Variants in SOX5 observed in about 807,000 individuals in gnomAD.
The protein encoded by SOX5 is transcription factor SOX-5.
In SOX5, 9 loss-of-function variants were observed where a neutral mutation model predicts 92.0. That is an observed-to-expected ratio of 0.10 (90% confidence interval 0.06 to 0.17). The LOEUF (loss-of-function observed/expected upper bound fraction) is 0.17. Among genes scored for constraint, SOX5 ranks in the 10% least tolerant of loss-of-function variants. The pLI is 1.00. For synonymous variants in SOX5, 344 were observed against 336.3 expected, an observed-to-expected ratio of 1.02 and a Z score of -0.25; for missense variants, 642 against 944.5, an observed-to-expected ratio of 0.68 and a Z score of 4.20.
chr12:23,962,184 A>G (rs1445372140), intron 4 of SOX5, among the ~76,000 whole-genome samples: 1 of 151,798 alleles, frequency 6.6e-6, no homozygotes, highest in Non-Finnish European at 1.5e-5. Flanking sequence ...ATTAGAAAGG[A>G]TAAGAAAGAA....
In SOX5 at chr12:24,309,311, G is replaced by T. The variant is rs1948941165; in HGVS notation, c.-173-31999C>A. Among the ~76,000 whole-genome samples the T allele has an allele frequency of 4.6e-5, 7 of 152,266 alleles. No individual in the cohort carries two copies. In the South Asian group the frequency reaches 1.5e-3, roughly 32 times the overall value. On this transcript the variant is annotated intron_variant, in intron 2 of 4. Transcript: ENST00000446891. ...AATTGTCAATTTGCATCTTTGAAAG[G>T]TGTTGCATTTTCTCTTCTTTCTAGC...
chr12:23,885,440 T>C (rs2097053434), intron 2 of SOX5, among the ~76,000 whole-genome samples: 3 of 152,206 alleles, frequency 2.0e-5, no homozygotes, highest in African/African-American at 4.8e-5. Flanking sequence ...CAAGATTAAT[T>C]GTTTTATCTC....
chr12:23,925,952 C>T (rs1243068732), intron 1 of SOX5, among the ~76,000 whole-genome samples: 1 of 152,000 alleles, frequency 6.6e-6, no homozygotes, highest in Non-Finnish European at 1.5e-5. Context: ...CAATCAATAA[C>T]CAATATAACC....
chr12:23,680,193 G>A (rs754624381), intron 6 of SOX5, among the ~76,000 whole-genome samples: 1 of 151,484 alleles, frequency 6.6e-6, no homozygotes, highest in African/African-American at 2.4e-5. Flanking sequence ...AGGTGTGGTG[G>A]CATATGTCTG....
At chr12:23,843,609 G>C (rs1157384134) in intron 3 of SOX5, among the ~76,000 whole-genome samples, 1 of 124,866 alleles carries the variant, frequency 8.0e-6, no homozygotes, top group Admixed American at 1.0e-4. Context: ...TGTTGCCCAG[G>C]CTGGTGTGCA....
At chr12:23,685,755 G>A (rs114882198) in intron 6 of SOX5, among the ~76,000 whole-genome samples, 3,648 of 151,944 alleles carry the variant, frequency 0.024, 157 homozygotes, top group African/African-American at 0.083. Context: ...CCCCTGGAGG[G>A]ACTCCATGGA....
At chr12:23,608,113 AAG>A (rs1490079212) in intron 8 of SOX5, among the ~76,000 whole-genome samples, 3 of 145,824 alleles carry the variant, frequency 2.1e-5, no homozygotes, top group African/African-American at 5.2e-5. Flanking sequence ...CAAAAGAAAA[AAG>A]AAAAAAAAAA....
intron 2 of SOX5, among the ~76,000 whole-genome samples, chr12:23,890,356 C>T (rs1337809328): frequency 6.6e-6 from 1 of 151,542 alleles, no homozygotes; most frequent in African/African-American, 2.4e-5. Context: ...TCACTCAACA[C>T]ACAAGTATTT....
rs1429856794 is a variant in SOX5, at chr12:23,534,301, T to A, written c.2210A>T (p.Asp737Val). The change falls in exon 15 of 15, where the codon GAT becomes GTT. Residue 737 changes from aspartate to valine, a missense_variant. Around this residue, in one of 8 missense-constraint regions of SOX5, gnomAD observed 130 missense variants for 140.6 expected, o/e 0.92. Coordinates refer to ENST00000451604, the MANE Select transcript of SOX5 (RefSeq NM_006940.6). ...ATCATCCTCTTCCTCGTCGTACTCA[T>A]CATAAATTTCTCCATTGATGTCCTC... ...QAEDINGEIYDEYDEEEDDPD... is the reference protein window; with the variant it reads ...QAEDINGEIYVEYDEEEDDPD... 6.2e-7 allele frequency: 1 copy of A among 1,614,134 alleles called. No individual in the cohort carries two copies. Among genetic ancestry groups the A allele is most frequent in the Non-Finnish European group, 8.5e-7 (1 of 1,179,988 alleles).
intron 3 of SOX5, among the ~76,000 whole-genome samples, chr12:24,256,528 C>A (rs1184318710): frequency 1.3e-5 from 2 of 152,096 alleles, no homozygotes; most frequent in African/African-American, 4.8e-5. Context: ...AGCTTTGTCA[C>A]CAGCTGATAG....
chr12:24,335,884 A>C (rs937240792), intron 2 of SOX5, among the ~76,000 whole-genome samples: 41 of 148,446 alleles, frequency 2.8e-4, no homozygotes, highest in Non-Finnish European at 3.6e-4. Context: ...TATTAGTCAA[A>C]TTTTCCATAT....
intron 11 of SOX5, among the ~76,000 whole-genome samples, chr12:23,562,446 C>A (rs1946376582): frequency 6.6e-6 from 1 of 152,202 alleles, no homozygotes; most frequent in African/African-American, 2.4e-5. Flanking sequence ...ATAAGCTTCC[C>A]ATTATGATTA....
chr12:23,598,981 G>T (rs1311397880), intron 9 of SOX5, among the ~76,000 whole-genome samples: 1 of 152,154 alleles, frequency 6.6e-6, no homozygotes. Flanking sequence ...TGGTGTGTAT[G>T]TGTACCACAA....
intron 4 of SOX5, among the ~76,000 whole-genome samples, chr12:23,995,966 G>T (rs1473086989): frequency 6.6e-6 from 1 of 152,114 alleles, no homozygotes; most frequent in Non-Finnish European, 1.5e-5. Flanking sequence ...TCACATTATG[G>T]AATATAAGCC....
chr12:24,235,060 TTTTTG>T (rs1309731564), intron 3 of SOX5, among the ~76,000 whole-genome samples: 1 of 152,180 alleles, frequency 6.6e-6, no homozygotes, highest in South Asian at 2.1e-4. Context: ...TTGCATGAGA[TTTTTG>T]TTTTGTTTGT....
intron 4 of SOX5, among the ~76,000 whole-genome samples, chr12:24,082,781 A>G (rs10842272): frequency 0.38 from 57,019 of 151,634 alleles, 11,509 homozygotes; most frequent in East Asian, 0.67. Flanking sequence ...AATTCAGGTC[A>G]TAGTTATCTT....
At position 24,388,111 on chromosome 12, in the gene SOX5, T is replaced by A. The variant is rs142661546; in HGVS notation, c.-250-19472A>T. ...TCCTTCACTTAAAACTGGAATCTTG[T>A]ACGTAATTTCACCATCACCATCTCA... On this transcript the variant is annotated intron_variant, in intron 1 of 4. Transcript: ENST00000446891. 1.1e-4 allele frequency among the ~76,000 whole-genome samples: 16 copies of A among 152,340 alleles called. No individual in the cohort carries two copies. In the East Asian group the frequency reaches 3.1e-3, roughly 29 times the overall value.
intron 4 of SOX5, among the ~76,000 whole-genome samples, chr12:24,096,947 G>A (rs1945493754): frequency 1.3e-5 from 2 of 152,118 alleles, no homozygotes; most frequent in South Asian, 4.1e-4. Flanking sequence ...TTGAGGCACT[G>A]CCAACCTGTT....
At chr12:24,260,309 G>A (rs1241927208) in intron 3 of SOX5, among the ~76,000 whole-genome samples, 5 of 152,160 alleles carry the variant, frequency 3.3e-5, no homozygotes, top group African/African-American at 1.2e-4. Context: ...TAGAGATCTC[G>A]TTTCCACTAC....
Sources: allele counts gnomAD v4.1 joint callset (sites outside exome capture counted in the v4.1 genomes callset), GRCh38; gene constraint gnomAD v4.1.1; regional missense constraint gnomAD v4.1.1; transcripts MANE v1.5; gene names NCBI Gene and HGNC (gene_info 2026-07-23, HGNC 2026-07-21).